EYA4: variants seen among roughly 807,000 people sequenced by gnomAD.
The protein encoded by EYA4 is EYA transcriptional coactivator and phosphatase 4, also known as protein phosphatase EYA4.
EYA4 carries 31 observed loss-of-function variants against 87.9 expected under a neutral mutation model. The observed-to-expected ratio is 0.35, with a 90% confidence interval of 0.27 to 0.48. The LOEUF (loss-of-function observed/expected upper bound fraction) is 0.48. Ranked by LOEUF, EYA4 falls within the 20% of genes least tolerant of loss-of-function variation. EYA4 has a pLI of 0.99. For synonymous variants in EYA4, 263 were observed against 270.6 expected, an observed-to-expected ratio of 0.97 and a Z score of 0.28; for missense variants, 678 against 761.4, an observed-to-expected ratio of 0.89 and a Z score of 1.29.
At chr6:133,525,781 A>T in intron 19 of EYA4, 1 of 400,714 alleles carries the variant, frequency 2.5e-6, no homozygotes, top group Non-Finnish European at 3.4e-6. Context: ...ATGCTCCATG[A>T]TAAGGAATGC....
intron 1 of EYA4, among the ~76,000 whole-genome samples, chr6:133,256,020 A>G (rs1198106661): frequency 1.3e-5 from 2 of 151,974 alleles, no homozygotes; most frequent in South Asian, 2.1e-4. Flanking sequence ...TCTTTAAGGT[A>G]ATATTCTCAT....
chr6:133,428,837 T>A (rs1790904957), intron 3 of EYA4, among the ~76,000 whole-genome samples: 1 of 149,984 alleles, frequency 6.7e-6, no homozygotes, highest in African/African-American at 2.4e-5. Flanking sequence ...GTAAACTAAT[T>A]ATTCCCAAAA....
At chr6:133,484,527 A>G (rs1257082876) in intron 13 of EYA4, among the ~76,000 whole-genome samples, 1 of 152,256 alleles carries the variant, frequency 6.6e-6, no homozygotes, top group Non-Finnish European at 1.5e-5. Context: ...ACCATTTACA[A>G]GAAGTGTTAG....
intron 2 of EYA4, among the ~76,000 whole-genome samples, chr6:133,332,056 T>C (rs143828900): frequency 6.6e-6 from 1 of 152,316 alleles, no homozygotes; most frequent in Admixed American, 6.5e-5. Context: ...CAGTGGGAAC[T>C]CAACAGTTTC....
intron 1 of EYA4, among the ~76,000 whole-genome samples, chr6:133,265,388 A>G (rs376745736): frequency 5.9e-5 from 9 of 152,160 alleles, no homozygotes; most frequent in African/African-American, 2.2e-4. Context: ...TAGAGCGGGA[A>G]CTAGATTATT....
At chr6:133,372,338 G>T (rs1243895984) in intron 2 of EYA4, among the ~76,000 whole-genome samples, 2 of 151,774 alleles carry the variant, frequency 1.3e-5, no homozygotes, top group Non-Finnish European at 2.9e-5. Flanking sequence ...CATATAATTT[G>T]CATTCTTGGT....
intron 3 of EYA4, among the ~76,000 whole-genome samples, chr6:133,441,708 A>C (rs371009218): frequency 3.9e-5 from 6 of 152,222 alleles, no homozygotes. Flanking sequence ...GGTAGTAGGT[A>C]ATTGGAATGA....
Position 133,451,485 on chromosome 6 carries a change from T to C in EYA4, c.277+3306T>C, listed in dbSNP as rs547041950. On this transcript the variant is annotated intron_variant, in intron 5 of 19. Transcript: ENST00000355286. ...GATTCATGATGAACTACACTTCATA[T>C]ACAAAAATACTTAGATCTATTGGGA... Among the ~76,000 whole-genome samples, 312 of 152,312 alleles carry C rather than the reference T, an allele frequency of 2.0e-3. 6 individuals are homozygous for C. The highest frequency in any genetic ancestry group is 0.018 in the South Asian group (89 of 4,824).
At position 133,464,874 on chromosome 6, in the gene EYA4, G is replaced by A; in HGVS notation, c.804+16G>A. ...TTCACAACAGGTATAGTAGCTTTTT[G>A]TGTTTATGCTTTTTATATGTATTTC... On this transcript the variant is annotated intron_variant, in intron 10 of 19. Coordinates refer to ENST00000355286, the MANE Select transcript of EYA4 (RefSeq NM_004100.5). 2 of 1,562,566 alleles carry A rather than the reference G, an allele frequency of 1.3e-6. No individual in the cohort carries two copies. Among genetic ancestry groups the A allele is most frequent in the Non-Finnish European group, 1.8e-6 (2 of 1,134,494 alleles).
chr6:133,486,625 GTGAC>G (rs1796709052), intron 13 of EYA4, among the ~76,000 whole-genome samples: 1 of 152,206 alleles, frequency 6.6e-6, no homozygotes, highest in Admixed American at 6.5e-5. Context: ...CGTATAATGA[GTGAC>G]TGGGGTATGT....
chr6:133,505,912 G>A (rs1315166722), intron 13 of EYA4, among the ~76,000 whole-genome samples, 194 bp from the exon 14 acceptor site: 5 of 152,108 alleles, frequency 3.3e-5, no homozygotes, highest in Non-Finnish European at 7.4e-5. Context: ...GAATTCCCAG[G>A]TGTGTCTGTG....
At chr6:133,424,382 T>G in intron 3 of EYA4, among the ~76,000 whole-genome samples, 1 of 152,072 alleles carries the variant, frequency 6.6e-6, no homozygotes. Context: ...CTGAGGACCC[T>G]CCTCCTTCTG....
chr6:133,294,612 A>T (rs1778811379), intron 2 of EYA4, among the ~76,000 whole-genome samples: 1 of 151,276 alleles, frequency 6.6e-6, no homozygotes, highest in Non-Finnish European at 1.5e-5. Flanking sequence ...CTGTCACCCA[A>T]GCTGGAGTGC....
intron 2 of EYA4, among the ~76,000 whole-genome samples, chr6:133,337,390 A>T (rs1218345854): frequency 6.6e-6 from 1 of 152,162 alleles, no homozygotes; most frequent in Non-Finnish European, 1.5e-5. Context: ...TTAATAGGGG[A>T]ATAAGACAGA....
At chr6:133,442,447 G>T (rs1792400507) in intron 3 of EYA4, among the ~76,000 whole-genome samples, 1 of 152,032 alleles carries the variant, frequency 6.6e-6, no homozygotes, top group Non-Finnish European at 1.5e-5. Flanking sequence ...TTGAACTGGA[G>T]AGGCATTGAC....
intron 5 of EYA4, chr6:133,452,980 G>A (rs187552089): frequency 3.3e-5 from 5 of 152,074 alleles, no homozygotes; most frequent in African/African-American, 7.2e-5. Context: ...TGAGAAATAC[G>A]GTGCTTGTCT....
intron 2 of EYA4, among the ~76,000 whole-genome samples, chr6:133,342,083 G>C (rs569100034): frequency 6.6e-6 from 1 of 151,938 alleles, no homozygotes; most frequent in Non-Finnish European, 1.5e-5. Flanking sequence ...AATCATCAGG[G>C]CTTAAGGGTA....
intron 2 of EYA4, among the ~76,000 whole-genome samples, chr6:133,380,308 T>C (rs1786075698): frequency 6.6e-6 from 1 of 152,212 alleles, no homozygotes; most frequent in African/African-American, 2.4e-5. Flanking sequence ...TGTGGGACTC[T>C]GTGGGTACTA....
chr6:133,331,198 G>A (rs1270591822), intron 2 of EYA4, among the ~76,000 whole-genome samples: 1 of 151,990 alleles, frequency 6.6e-6, no homozygotes, highest in East Asian at 1.9e-4. Flanking sequence ...TTACCAAATA[G>A]ATATGGTTTT....
Sources: allele counts gnomAD v4.1 joint callset (sites outside exome capture counted in the v4.1 genomes callset), GRCh38; gene constraint gnomAD v4.1.1; transcripts MANE v1.5; gene names NCBI Gene and HGNC (gene_info 2026-07-23, HGNC 2026-07-21).